Variants in GALNT18 observed in about 807,000 individuals in gnomAD.
The protein encoded by GALNT18 is GalNAc-transferase 18.
Under a neutral mutation model 69.5 loss-of-function variants are expected in GALNT18, and 44 were observed. That is an observed-to-expected ratio of 0.63 (90% CI 0.50 to 0.81). The LOEUF is 0.81. Ranked by LOEUF, GALNT18 falls within the 40% of genes least tolerant of loss-of-function variation. GALNT18 has a pLI of 0.00. For synonymous variants in GALNT18, 364 were observed against 318.2 expected (o/e 1.14, Z -1.53); for missense variants, 715 against 810.0 (o/e 0.88, Z 1.42).
intron 10 of GALNT18, among the ~76,000 whole-genome samples, chr11:11,286,404 A>C (rs1317949922): frequency 3.9e-5 from 6 of 152,222 alleles, no homozygotes; most frequent in Non-Finnish European, 8.8e-5. Context: ...ACCACCTAAA[A>C]GTGTTCACTG....
At chr11:11,441,412 A>G (rs1390617206) in intron 2 of GALNT18, among the ~76,000 whole-genome samples, 1 of 152,134 alleles carries the variant, frequency 6.6e-6, no homozygotes, top group Admixed American at 6.5e-5. Context: ...GGTCTCCTCC[A>G]CAGAGGCAAG....
chr11:11,346,543 T>C (rs887473497), intron 6 of GALNT18, among the ~76,000 whole-genome samples: 3 of 152,194 alleles, frequency 2.0e-5, no homozygotes, highest in Non-Finnish European at 4.4e-5. Context: ...AGAGCTTAAA[T>C]TAATGTCGTA....
chr11:11,487,839 G>A (rs1856675910), intron 1 of GALNT18, among the ~76,000 whole-genome samples: 2 of 152,218 alleles, frequency 1.3e-5, no homozygotes, highest in Admixed American at 6.5e-5. Context: ...CTGATGGAAA[G>A]ACAGAGACAA....
rs1850523132 is a variant in GALNT18, at chr11:11,356,034, CTT to C, written c.1093-15032_1093-15031del. ...CTGGATACCAAACTTTATAGAAAAA[CTT>C]GTGTGTAAGGGTAATTTCTGGATAC... is the stretch of plus-strand genomic sequence containing the variant. On this transcript the variant is annotated intron_variant, in intron 6 of 10. Coordinates refer to ENST00000227756, the MANE Select transcript of GALNT18 (RefSeq NM_198516.3). The surrounding 1 kb of genome is among the most constrained non-coding windows in gnomAD (Gnocchi z 4.4). Among the ~76,000 whole-genome samples, 1 of 152,136 alleles carries C rather than the reference CTT, an allele frequency of 6.6e-6. No homozygotes were observed. The highest frequency in any genetic ancestry group is 6.6e-5 in the Admixed American group (1 of 15,264).
In GALNT18 at chr11:11,439,790, G is replaced by C. The variant is rs2133806498; in HGVS notation, c.429-7003C>G. 6.6e-6 allele frequency among the ~76,000 whole-genome samples: 1 copy of C among 152,290 alleles called. No homozygotes were observed. Among genetic ancestry groups the C allele is most frequent in the South Asian group, 2.1e-4 (1 of 4,826 alleles). On this transcript the variant is annotated intron_variant, in intron 2 of 10. Transcript: ENST00000227756. This position sits in a 1 kb window ranked among gnomAD's most constrained non-coding sequence, Gnocchi z 4.4. ...GTGGATGGGAATTCTACCATGACCTGATGGGAATGGAATCACTGAGTTGTA... is the reference window on the plus strand; with the variant it reads ...GTGGATGGGAATTCTACCATGACCTCATGGGAATGGAATCACTGAGTTGTA...
rs1214477296 is a variant in GALNT18 at position 11,454,550 on chromosome 11, A to C, written c.236-5614T>G. ...TTTCAAATCTCACCAAGTAAGGCTC[A>C]GAATCAAAAAGATTCCACTGAAGGG... On this transcript the variant is annotated intron_variant, in intron 1 of 10. Coordinates refer to ENST00000227756, the MANE Select transcript of GALNT18 (RefSeq NM_198516.3). This position sits in a 1 kb window ranked among gnomAD's most constrained non-coding sequence, Gnocchi z 4.2. Among the ~76,000 whole-genome samples, 1 of 152,116 alleles carries C rather than the reference A, an allele frequency of 6.6e-6. No homozygotes were observed. The highest frequency in any genetic ancestry group is 1.5e-5 in the Non-Finnish European group (1 of 68,026).
chr11:11,556,940 C>T lies in GALNT18; in HGVS notation c.235+64419G>A, dbSNP rs149469815. ...ACAAATAAATGTTGAAAATGTTGAA[C>T]AAATATCTCAAGAATATTAGATAGA... On this transcript the variant is annotated intron_variant, in intron 1 of 10. Coordinates refer to ENST00000227756, the MANE Select transcript of GALNT18 (RefSeq NM_198516.3). Among the ~76,000 whole-genome samples, 415 of 152,292 alleles carry T rather than the reference C, an allele frequency of 2.7e-3. 2 individuals are homozygous for T. The highest frequency in any genetic ancestry group is 9.5e-3 in the African/African-American group (394 of 41,564).
intron 9 of GALNT18, among the ~76,000 whole-genome samples, chr11:11,319,498 C>T (rs35823236): frequency 0.012 from 1,758 of 152,274 alleles, 22 homozygotes; most frequent in Non-Finnish European, 0.016. Flanking sequence ...CACAGACACA[C>T]ACATGGAGAA....
chr11:11,419,133 G>A (rs1167359843), intron 3 of GALNT18, among the ~76,000 whole-genome samples: 1 of 152,158 alleles, frequency 6.6e-6, no homozygotes, highest in Non-Finnish European at 1.5e-5. Context: ...TCTTTGGTTG[G>A]CTACAAATCA....
At chr11:11,412,513 C>T (rs1854754200) in intron 3 of GALNT18, among the ~76,000 whole-genome samples, 1 of 152,146 alleles carries the variant, frequency 6.6e-6, no homozygotes, top group African/African-American at 2.4e-5. Context: ...AAATGGAGCC[C>T]CAGGTTCTAA....
intron 1 of GALNT18, among the ~76,000 whole-genome samples, chr11:11,485,960 G>A (rs955115994): frequency 6.6e-6 from 1 of 152,170 alleles, no homozygotes; most frequent in Non-Finnish European, 1.5e-5. Flanking sequence ...CCTTGCACAT[G>A]AGTGAATTCT....
chr11:11,564,266 A>C lies in GALNT18; in HGVS notation c.235+57093T>G, dbSNP rs969373282. 6.6e-6 allele frequency among the ~76,000 whole-genome samples: 1 copy of C among 152,122 alleles called. No individual in the cohort carries two copies. The highest frequency in any genetic ancestry group is 1.9e-4 in the East Asian group (1 of 5,184). ...TTCACCTGAAGGCTCATCTTAAGAG[A>C]TATGCACCTGACTCTCTGTCAAGCC... On this transcript the variant is annotated intron_variant, in intron 1 of 10. Coordinates refer to ENST00000227756, the MANE Select transcript of GALNT18 (RefSeq NM_198516.3). This position sits in a 1 kb window ranked among gnomAD's most constrained non-coding sequence, Gnocchi z 4.3.
At chr11:11,611,397 G>A (rs1658689011) in intron 1 of GALNT18, among the ~76,000 whole-genome samples, 1 of 152,232 alleles carries the variant, frequency 6.6e-6, no homozygotes, top group Admixed American at 6.5e-5. Context: ...GGAAAATGGG[G>A]AAGGGGCTGT....
intron 9 of GALNT18, 57 bp downstream of exon 9, chr11:11,327,029 C>G: frequency 7.9e-7 from 1 of 1,262,706 alleles, no homozygotes; most frequent in East Asian, 2.3e-5. Context: ...GCTCTCCTTC[C>G]CCATGCCAGG....
intron 9 of GALNT18, among the ~76,000 whole-genome samples, chr11:11,307,176 A>G (rs1849593778): frequency 6.6e-6 from 1 of 151,852 alleles, no homozygotes; most frequent in East Asian, 1.9e-4. Flanking sequence ...TCAGGAAAAA[A>G]AAATGGATGT....
At chr11:11,426,540 G>T (rs1855134329) in intron 3 of GALNT18, among the ~76,000 whole-genome samples, 1 of 152,156 alleles carries the variant, frequency 6.6e-6, no homozygotes, top group Non-Finnish European at 1.5e-5. Context: ...ACAAATACCA[G>T]GCACTATTCT....
intron 10 of GALNT18, among the ~76,000 whole-genome samples, chr11:11,288,074 C>T (rs1272197103): frequency 6.6e-6 from 1 of 152,160 alleles, no homozygotes; most frequent in Non-Finnish European, 1.5e-5. Flanking sequence ...CCTTCTGATC[C>T]ACCTGCTTTC....
intron 1 of GALNT18, among the ~76,000 whole-genome samples, chr11:11,495,070 T>TA (rs1435280405): frequency 1.3e-5 from 2 of 151,704 alleles, no homozygotes; most frequent in East Asian, 3.9e-4. Context: ...ACATCTTAAA[T>TA]AAAAAATCCA....
At chr11:11,379,332 G>C (rs1192422220) in intron 3 of GALNT18, 68 bp from the exon 4 acceptor site, 17 of 1,460,736 alleles carry the variant, frequency 1.2e-5, no homozygotes, top group Non-Finnish European at 1.6e-5. Context: ...AATCACAACA[G>C]TCACTCTTTT....
Sources: gnomAD v4.1 joint callset for allele counts (sites outside exome capture counted in the v4.1 genomes callset) on GRCh38, gnomAD v4.1.1 for gene constraint, Gnocchi (gnomAD v3.1) non-coding constraint, MANE v1.5 for transcripts, NCBI Gene and HGNC (gene_info 2026-07-23, HGNC 2026-07-21) for gene names.